Variants in GYPC observed in about 807,000 individuals in gnomAD.
The protein encoded by GYPC is glycophorin C (Gerbich blood group).
A neutral mutation model predicts 12.6 loss-of-function variants in GYPC; 14 were observed. That is an observed-to-expected ratio of 1.11 (90% CI 0.74 to 1.74). GYPC has a LOEUF of 1.74. GYPC is among the 40% of genes most tolerant of loss of function. GYPC has a pLI of 0.00. For missense variants in GYPC, 225 were observed against 172.1 expected (o/e 1.31, Z -1.72); for synonymous variants, 78 against 62.1 (o/e 1.26, Z -1.20).
rs1206571005 is a variant in GYPC at position 126,678,048 on chromosome 2, C to A, written c.50-12207C>A. 2.6e-5 allele frequency among the ~76,000 whole-genome samples: 4 copies of A among 152,232 alleles called. No individual in the cohort carries two copies. In the South Asian group the frequency reaches 8.3e-4, roughly 32 times the overall value. ...CATCCTGGCTAACACGGTGAAACCC[C>A]TTCTCTACTAAAAATACAAGAAAAT... On this transcript the variant is annotated intron_variant, in intron 1 of 3. Coordinates refer to ENST00000259254, the MANE Select transcript of GYPC (RefSeq NM_002101.5).
intron 3 of GYPC, among the ~76,000 whole-genome samples, chr2:126,695,090 G>A (rs1363735559): frequency 6.6e-6 from 1 of 152,194 alleles, no homozygotes; most frequent in Admixed American, 6.5e-5. Context: ...GTCCCCAGGA[G>A]GGAATGGGAG....
rs529857849 is a variant in GYPC at position 126,695,965 on chromosome 2, C to T, written c.210C>T (p.Ala70=). The change falls in exon 4 of 4, where the codon GCC becomes GCT. Residue 70 remains alanine, a synonymous_variant. Coordinates refer to ENST00000259254, the MANE Select transcript of GYPC (RefSeq NM_002101.5). ...CTGCAGGTGTGATTGCTGCTGTGGC[C>T]ATCGTCCTAGTCTCCCTCCTCTTCG... ...VVIAGVIAAV[A]IVLVSLLFVM... 6.2e-7 allele frequency: 1 copy of T among 1,613,914 alleles called. No individual in the cohort carries two copies. The highest frequency in any genetic ancestry group is 1.3e-5 in the African/African-American group (1 of 74,924).
intron 1 of GYPC, among the ~76,000 whole-genome samples, chr2:126,689,207 T>C (rs2104803935): frequency 6.6e-6 from 1 of 152,158 alleles, no homozygotes; most frequent in South Asian, 2.1e-4. Context: ...ACAGGAGCCC[T>C]GGGAAGGGCT....
intron 1 of GYPC, among the ~76,000 whole-genome samples, chr2:126,668,694 G>A (rs375693263): frequency 3.3e-5 from 5 of 152,210 alleles, no homozygotes; most frequent in Admixed American, 6.5e-5. Flanking sequence ...CAATTCATCC[G>A]CAAGCAATTA....
chr2:126,682,520 G>A (rs1442938009), intron 1 of GYPC, among the ~76,000 whole-genome samples: 15 of 152,138 alleles, frequency 9.9e-5, no homozygotes, highest in Admixed American at 9.8e-4. Flanking sequence ...TGAGAGCCTG[G>A]TTGCCGCTCA....
At chr2:126,665,121 T>G (rs961780932) in intron 1 of GYPC, among the ~76,000 whole-genome samples, 1 of 152,196 alleles carries the variant, frequency 6.6e-6, no homozygotes, top group Non-Finnish European at 1.5e-5. Context: ...TCATGTTCAT[T>G]GTAGAATTGT....
rs541928196 is a variant in GYPC at position 126,693,925 on chromosome 2, A to C, written c.168A>C (p.Ile56=). The change falls in exon 3 of 4, where the codon ATA becomes ATC. Residue 56 remains isoleucine (I), a synonymous_variant. Coordinates refer to ENST00000259254, the MANE Select transcript of GYPC (RefSeq NM_002101.5). ...DGRMETSTPT[I]MDIVVIAGVI... is the part of the protein sequence containing the mutation. ...GAATGGAGACCTCCACCCCCACCAT[A>C]ATGGACATTGTCGTCATTGCAGGTG... 4.3e-6 allele frequency: 7 copies of C among 1,610,932 alleles called. No individual in the cohort carries two copies. In the African/African-American group the frequency reaches 9.3e-5, roughly 21 times the overall value.
At chr2:126,675,719 A>T (rs1350837091) in intron 1 of GYPC, 2 of 983,390 alleles carry the variant, frequency 2.0e-6, no homozygotes, top group Non-Finnish European at 2.4e-6. Flanking sequence ...GATCTTCAGG[A>T]TCCTTCATTG....
At chr2:126,684,228 C>T (rs1683225859) in intron 1 of GYPC, among the ~76,000 whole-genome samples, 1 of 152,206 alleles carries the variant, frequency 6.6e-6, no homozygotes, top group Non-Finnish European at 1.5e-5. Flanking sequence ...TCTGAACAGG[C>T]TGGTCAAGTT....
At chr2:126,688,332 G>A (rs959358901) in intron 1 of GYPC, among the ~76,000 whole-genome samples, 7 of 152,074 alleles carry the variant, frequency 4.6e-5, no homozygotes, top group Non-Finnish European at 8.8e-5. Flanking sequence ...CTTTCTTTCC[G>A]AACTTTGAGG....
chr2:126,677,210 T>G (rs1178022718), intron 1 of GYPC, among the ~76,000 whole-genome samples: 2 of 151,996 alleles, frequency 1.3e-5, no homozygotes, highest in Admixed American at 1.3e-4. Context: ...TGTGCATGTG[T>G]GCCTGTGTGT....
intron 1 of GYPC, among the ~76,000 whole-genome samples, chr2:126,676,531 A>G (rs1339783578): frequency 2.0e-5 from 3 of 152,230 alleles, no homozygotes; most frequent in Admixed American, 1.3e-4. Context: ...GAAGCATCTA[A>G]TTTAGATGGC....
In GYPC at chr2:126,673,974, C is replaced by A. The variant is rs1558883292; in HGVS notation, c.50-16281C>A. 5.3e-5 allele frequency among the ~76,000 whole-genome samples: 8 copies of A among 152,198 alleles called. No individual in the cohort carries two copies. In the South Asian group the frequency reaches 1.7e-3, roughly 32 times the overall value. On this transcript the variant is annotated intron_variant, in intron 1 of 3. Transcript: ENST00000259254. ...GTCCTTCCAGAGCAGGACTGTGGTGCCTTGTCCTAAGAGACCCTGTCTCTG... is the reference window on the plus strand; with the variant it reads ...GTCCTTCCAGAGCAGGACTGTGGTGACTTGTCCTAAGAGACCCTGTCTCTG...
At chr2:126,674,099 A>G (rs1026870381) in intron 1 of GYPC, among the ~76,000 whole-genome samples, 13 of 152,140 alleles carry the variant, frequency 8.5e-5, no homozygotes. Flanking sequence ...GTGCCTGGGC[A>G]TTGTATTATA....
chr2:126,656,397 A>G, intron 1 of GYPC, 85 bp downstream of exon 1: 1 of 1,219,286 alleles, frequency 8.2e-7, no homozygotes, highest in Admixed American at 2.0e-5. Flanking sequence ...ACGGCCACGG[A>G]CGCCCTGGTG....
At chr2:126,675,368 ATAAT>A in intron 1 of GYPC, among the ~76,000 whole-genome samples, 1 of 152,306 alleles carries the variant, frequency 6.6e-6, no homozygotes, top group African/African-American at 2.4e-5. Flanking sequence ...AGAATAATAA[ATAAT>A]TATTCATAAC....
chr2:126,668,336 A>G (rs1682743790), intron 1 of GYPC, among the ~76,000 whole-genome samples: 2 of 152,170 alleles, frequency 1.3e-5, no homozygotes, highest in South Asian at 4.1e-4. Flanking sequence ...GCCCCTTGTG[A>G]TGGCTCACTC....
chr2:126,656,193 G>T lies in GYPC; in HGVS notation c.-71G>T. ...CCGAGGGTCAGGAGCCCGGGAGCGC[G>T]ACCCTCCCCCGGCCCGGCCTGGCCC... On this transcript the variant is annotated 5_prime_UTR_variant, in exon 1 of 4. Transcript: ENST00000259254. The T allele has an allele frequency of 6.5e-7, 1 of 1,537,546 alleles. No homozygotes were observed.
At position 126,696,296 on chromosome 2, in the gene GYPC, C is replaced by T; in HGVS notation, c.*154C>T. On this transcript the variant is annotated 3_prime_UTR_variant, in exon 4 of 4. Coordinates refer to ENST00000259254, the MANE Select transcript of GYPC (RefSeq NM_002101.5). ...CACCTGGAAACACTAGGTGCCTGCC[C>T]AGGGAGGAACGGAGGAGGACTCGCG... 1.4e-6 allele frequency: 1 copy of T among 702,196 alleles called. No homozygotes were observed. Among genetic ancestry groups the T allele is most frequent in the Non-Finnish European group, 2.6e-6 (1 of 391,998 alleles). The allele number at this position is 702,196 out of a possible 1,614,324, so 43.5% of individuals were successfully genotyped here.
Sources: gnomAD v4.1 joint callset for allele counts (sites outside exome capture counted in the v4.1 genomes callset) on GRCh38, gnomAD v4.1.1 for gene constraint, MANE v1.5 for transcripts, NCBI Gene and HGNC (gene_info 2026-07-23, HGNC 2026-07-21) for gene names.